ITGB4: variants seen among roughly 807,000 people sequenced by gnomAD.
ITGB4 encodes integrin beta-4.
Under a neutral mutation model 207.6 loss-of-function variants are expected in ITGB4, and 159 were observed. The ratio of observed to expected loss-of-function variants is 0.77; its 90% CI spans 0.67 to 0.87. ITGB4 has a LOEUF of 0.87. ITGB4 is among the 40% of genes least tolerant of loss of function. ITGB4 has a pLI of 0.00. For missense variants in ITGB4, 2,278 were observed against 2,546.8 expected, an observed-to-expected ratio of 0.89 and a Z score of 2.27; for synonymous variants, 1,020 against 1,062.7, an observed-to-expected ratio of 0.96 and a Z score of 0.78.
chr17:75,723,826 G>A (rs1399141975), intron 1 of ITGB4, among the ~76,000 whole-genome samples: 2 of 152,244 alleles, frequency 1.3e-5, no homozygotes, highest in African/African-American at 2.4e-5. Flanking sequence ...CCTTTGCCCC[G>A]GCCTTGCAGG....
chr17:75,733,402 T>TAATTA (rs942209742), intron 12 of ITGB4, 88 bp from the exon 13 acceptor site: 15 of 1,068,374 alleles, frequency 1.4e-5, no homozygotes, highest in Admixed American at 5.5e-5. Context: ...AAAAATAAAA[T>TAATTA]AATTAAATTA....
intron 26 of ITGB4, among the ~76,000 whole-genome samples, chr17:75,744,500 G>A (rs1267918146): frequency 6.6e-6 from 1 of 152,116 alleles, no homozygotes; most frequent in African/African-American, 2.4e-5. Context: ...GGATCCACAG[G>A]GTAGCCAAAC....
chr17:75,750,857 G>T lies in ITGB4; in HGVS notation c.3652G>T (p.Glu1218Ter). 6.2e-7 allele frequency: 1 copy of T among 1,613,410 alleles called. No homozygotes were observed. ...SSLVSCRTHQ[E>*]VPSEPGRLAF... is the part of the protein sequence containing the mutation. ...CCTGGTGTCCTGCCGCACCCACCAG[G>T]AAGGTGAGGCCTCGCCATGTCTGTC... The change falls in exon 29 of 40, where the codon GAA becomes TAA. Residue 1218 changes from glutamate to a stop codon, truncating the protein, a stop_gained. Coordinates refer to ENST00000200181, the MANE Select transcript of ITGB4 (RefSeq NM_000213.5). LOFTEE classifies it high-confidence loss of function. This position sits in a 1 kb window ranked among gnomAD's most constrained non-coding sequence, Gnocchi z 5.5.
rs1323152048 is a variant in ITGB4 at position 75,753,947 on chromosome 17, C to A, written c.4291C>A (p.Arg1431Ser). The A allele has an allele frequency of 5.5e-6, 7 of 1,271,928 alleles. No homozygotes were observed. Among genetic ancestry groups the A allele is most frequent in the African/African-American group, 1.6e-5 (1 of 64,152 alleles). The allele number at this position is 1,271,928 out of a possible 1,614,324, so 78.8% of individuals were successfully genotyped here. A position where few individuals can be genotyped will look rare whatever the true frequency, so the allele number is the denominator to read the frequency against. ...GAGGKGGSLPRSATPGPPGEH... is the reference protein window; with the variant it reads ...GAGGKGGSLPSSATPGPPGEH... ...GGGCGGGAAGGGCGGCAGCCTGCCCCGCAGTGCGACACCCGGGCCCCCCGG... is the reference window on the plus strand; with the variant it reads ...GGGCGGGAAGGGCGGCAGCCTGCCCAGCAGTGCGACACCCGGGCCCCCCGG... Residue 1431 changes from arginine (R) to serine (S), a missense_variant, in exon 33 of 40, where the codon CGC becomes AGC. Physicochemically the swap from Arg to Ser is moderately radical, Grantham distance 110. Coordinates refer to ENST00000200181, the MANE Select transcript of ITGB4 (RefSeq NM_000213.5).
chr17:75,751,415 T>C (rs1385141913), intron 30 of ITGB4, among the ~76,000 whole-genome samples: 1 of 152,168 alleles, frequency 6.6e-6, no homozygotes, highest in Non-Finnish European at 1.5e-5. Context: ...TGCATGGTTT[T>C]CTTAGGGTGA....
In ITGB4 at chr17:75,739,522, G is replaced by A; in HGVS notation, c.2221-150G>A. On this transcript the variant is annotated intron_variant, in intron 18 of 39. Coordinates refer to ENST00000200181, the MANE Select transcript of ITGB4 (RefSeq NM_000213.5). This position sits in a 1 kb window ranked among gnomAD's most constrained non-coding sequence, Gnocchi z 5.4. ...CCCCCTCTATGCCCTTGTGTGCCAT[G>A]CTTACACCCTGCTACCACCTGGATA... is the stretch of plus-strand genomic sequence containing the variant. 1 of 889,632 alleles carries A rather than the reference G, an allele frequency of 1.1e-6. No homozygotes were observed. The highest frequency in any genetic ancestry group is 1.8e-6 in the Non-Finnish European group (1 of 547,448). The allele number at this position is 889,632 out of a possible 1,614,324, so 55.1% of individuals were successfully genotyped here. A position where few individuals can be genotyped will look rare whatever the true frequency, so the allele number is the denominator to read the frequency against.
chr17:75,728,986 CAAAAAAAAA>C (rs933959785), intron 6 of ITGB4, among the ~76,000 whole-genome samples: 156 of 45,210 alleles, frequency 3.5e-3, no homozygotes, highest in Middle Eastern at 0.012. Context: ...TCTGTCTCAA[CAAAAAAAAA>C]AAAAAAAAAA....
Position 75,740,553 on chromosome 17 carries a change from A to C in ITGB4, c.2550+92A>C. On this transcript the variant is annotated intron_variant, in intron 21 of 39. Coordinates refer to ENST00000200181, the MANE Select transcript of ITGB4 (RefSeq NM_000213.5). This position sits in a 1 kb window ranked among gnomAD's most constrained non-coding sequence, Gnocchi z 5.9. ...GAGCGAATGCGGTCGTGGTACCGAGATTCATTAACTAGGGGAGAGGGGTCT... is the reference window on the plus strand; with the variant it reads ...GAGCGAATGCGGTCGTGGTACCGAGCTTCATTAACTAGGGGAGAGGGGTCT... The C allele has an allele frequency of 8.9e-7, 1 of 1,126,612 alleles. No homozygotes were observed. The highest frequency in any genetic ancestry group is 1.3e-6 in the Non-Finnish European group (1 of 752,126). The allele number at this position is 1,126,612 out of a possible 1,614,324, so 69.8% of individuals were successfully genotyped here. A position where few individuals can be genotyped will look rare whatever the true frequency, so the allele number is the denominator to read the frequency against.
At chr17:75,752,136 G>A (rs1458122578) in intron 30 of ITGB4, 38 bp from the exon 31 acceptor site, 3 of 1,606,866 alleles carry the variant, frequency 1.9e-6, no homozygotes, top group South Asian at 2.2e-5. Context: ...ACCAGGCTGG[G>A]ACCTGGGTGA....
At position 75,756,823 on chromosome 17, in the gene ITGB4, G is replaced by T; in HGVS notation, c.5017G>T (p.Gly1673Cys). 6.2e-7 allele frequency: 1 copy of T among 1,612,378 alleles called. No individual in the cohort carries two copies. Residue 1673 changes from glycine to cysteine, a missense_variant, in exon 37 of 40, where the codon GGC becomes TGC. Physicochemically the swap from Gly to Cys is radical, Grantham distance 159. Transcript: ENST00000200181. ...ACGGAGGCCCAATGGGGATATCGTC[G>T]GCTACCTGGTGACCTGTGAGATGGC... ...RPRRPNGDIVGYLVTCEMAQG... is the reference protein window; with the variant it reads ...RPRRPNGDIVCYLVTCEMAQG...
rs1568348764 is a variant in ITGB4, at chr17:75,730,937, C to T, written c.1065C>T (p.Ile355=). 5.6e-6 allele frequency: 9 copies of T among 1,613,684 alleles called. No homozygotes were observed. Among genetic ancestry groups the T allele is most frequent in the East Asian group, 4.5e-5 (2 of 44,888 alleles). Residue 355 remains isoleucine, a synonymous_variant, in exon 9 of 40, where the codon ATC becomes ATT. Coordinates refer to ENST00000200181, the MANE Select transcript of ITGB4 (RefSeq NM_000213.5). The part of the protein sequence containing the change: ...LGVLQEDSSN[I]VELLEEAFNR... ...TGCTGCAGGAGGACTCGTCCAACAT[C>T]GTGGAGCTGCTGGAGGAGGCCTTCA...
In ITGB4 at chr17:75,756,710, CCTTCA is replaced by C; in HGVS notation, c.4908_4912del (p.Thr1637GlufsTer41). On this transcript the variant is annotated frameshift_variant, in exon 37 of 40. Transcript: ENST00000200181. LOFTEE classifies it high-confidence loss of function. ...CTTCCTCTACTGCCCCCAGGCTCCG[CCTTCA>C]CTTTGAGCACTCCCAGTGCCCCAGG... 2 of 1,613,472 alleles carry C rather than the reference CCTTCA, an allele frequency of 1.2e-6. No homozygotes were observed. Among genetic ancestry groups the C allele is most frequent in the Non-Finnish European group, 1.7e-6 (2 of 1,180,016 alleles).
At chr17:75,743,601 G>C in intron 25 of ITGB4, 112 bp from the exon 26 acceptor site, 3 of 1,453,846 alleles carry the variant, frequency 2.1e-6, no homozygotes, top group Non-Finnish European at 2.9e-6. Flanking sequence ...TGCATAGAGG[G>C]AACCAAGCGG....
intron 26 of ITGB4, 111 bp from the exon 27 acceptor site, chr17:75,748,701 ACCTGAACCTCGTGTAAGTACTCCACCCAG>A: frequency 1.5e-6 from 1 of 648,820 alleles, no homozygotes; most frequent in East Asian, 2.8e-5. Flanking sequence ...AAACACAAAA[ACCTGAACCTCGTGTAAGTACTCCACCCAG>A]CAAGCAGGGA....
At chr17:75,728,061 A>G (rs2060761302) in intron 5 of ITGB4, among the ~76,000 whole-genome samples, 1 of 152,210 alleles carries the variant, frequency 6.6e-6, no homozygotes, top group African/African-American at 2.4e-5. Flanking sequence ...GGCCCAGGGC[A>G]GGCGGGCAGT....
rs747790117 is a variant in ITGB4 at position 75,730,468 on chromosome 17, C to T, written c.966C>T (p.Ile322=). 2 of 1,614,042 alleles carry T rather than the reference C, an allele frequency of 1.2e-6. No individual in the cohort carries two copies. Among genetic ancestry groups the T allele is most frequent in the Non-Finnish European group, 1.7e-6 (2 of 1,180,038 alleles). Reference sequence around the variant, plus strand: ...TCGCCAAGCACAACATCATCCCCATCTTTGCTGTCACCAACTACTCCTATA... The same window carrying T: ...TCGCCAAGCACAACATCATCCCCATTTTTGCTGTCACCAACTACTCCTATA... The part of the protein sequence containing the change: ...RLLAKHNIIP[I]FAVTNYSYSY... Residue 322 remains isoleucine (I), a synonymous_variant, in exon 8 of 40, where the codon ATC becomes ATT. Coordinates refer to ENST00000200181, the MANE Select transcript of ITGB4 (RefSeq NM_000213.5).
At position 75,743,880 on chromosome 17, in the gene ITGB4, G is replaced by A. The variant is rs991886836; in HGVS notation, c.3111+19G>A. On this transcript the variant is annotated intron_variant, in intron 26 of 39. Coordinates refer to ENST00000200181, the MANE Select transcript of ITGB4 (RefSeq NM_000213.5). ...CAACCGGGTGAGGCTGCGCCACAGG[G>A]TCGAGGGTGCAGCCCGGGGGGCTGC... 1 of 1,564,176 alleles carries A rather than the reference G, an allele frequency of 6.4e-7. No homozygotes were observed. The highest frequency in any genetic ancestry group is 1.4e-5 in the African/African-American group (1 of 73,502).
At chr17:75,738,984 AAAG>A (rs368099715) in intron 18 of ITGB4, among the ~76,000 whole-genome samples, 15 of 152,078 alleles carry the variant, frequency 9.9e-5, no homozygotes, top group African/African-American at 2.9e-4. Flanking sequence ...AGAAAAAAAA[AAAG>A]AAGGTTTAAG....
Position 75,740,269 on chromosome 17 carries a change from A to C in ITGB4, c.2447-89A>C. The C allele has an allele frequency of 5.3e-6, 7 of 1,323,812 alleles. No homozygotes were observed. Among genetic ancestry groups the C allele is most frequent in the Non-Finnish European group, 6.4e-6 (6 of 938,162 alleles). 82.0% of individuals were successfully genotyped at this position (1,323,812 alleles called of 1,614,324 possible). A position where few individuals can be genotyped will look rare whatever the true frequency, so the allele number is the denominator to read the frequency against. On this transcript the variant is annotated intron_variant, in intron 20 of 39. Transcript: ENST00000200181. The surrounding 1 kb of genome is among the most constrained non-coding windows in gnomAD (Gnocchi z 5.9). The stretch of plus-strand genomic sequence containing the variant: ...TGCTGGCCAGGCATCCCCTGATCCT[A>C]GCATGGTTGCTGGAGGGATGCTCTG...
Sources: allele counts gnomAD v4.1 joint callset (sites outside exome capture counted in the v4.1 genomes callset), GRCh38; gene constraint gnomAD v4.1.1; non-coding constraint Gnocchi (gnomAD v3.1); transcripts MANE v1.5; gene names NCBI Gene and HGNC (gene_info 2026-07-23, HGNC 2026-07-21).